The following MEI1 variants were observed in gnomAD, a reference collection of about 807,000 sequenced individuals.
MEI1 encodes the protein meiotic double-stranded break formation protein 1, also known as meiosis inhibitor protein 1.
MEI1 carries 103 observed loss-of-function variants against 146.2 expected under a neutral mutation model. That is an observed-to-expected ratio of 0.70 (90% CI 0.60 to 0.83). The LOEUF is 0.83. MEI1 is among the 40% of genes least tolerant of loss of function. The pLI is 0.00. For synonymous variants in MEI1, 652 were observed against 628.2 expected, an observed-to-expected ratio of 1.04 and a Z score of -0.57; for missense variants, 1,529 against 1,533.0, an observed-to-expected ratio of 1.00 and a Z score of 0.04.
intron 18 of MEI1, among the ~76,000 whole-genome samples, chr22:41,760,660 C>T (rs747479301): frequency 6.6e-6 from 1 of 152,176 alleles, no homozygotes; most frequent in Non-Finnish European, 1.5e-5. Context: ...TCTGAGCTCT[C>T]CAAGTGCACA....
At chr22:41,719,450 G>C (rs2070538216) in intron 6 of MEI1, among the ~76,000 whole-genome samples, 1 of 152,182 alleles carries the variant, frequency 6.6e-6, no homozygotes, top group African/African-American at 2.4e-5. Flanking sequence ...CCCTCCCCAA[G>C]TGCTGGGATT....
In MEI1 at chr22:41,751,699, G is replaced by A. The variant is rs1163725905; in HGVS notation, c.1793-892G>A. Among the ~76,000 whole-genome samples, 3 of 151,148 alleles carry A rather than the reference G, an allele frequency of 2.0e-5. No individual in the cohort carries two copies. In the East Asian group the frequency reaches 5.9e-4, roughly 29 times the overall value. On this transcript the variant is annotated intron_variant, in intron 15 of 30. Transcript: ENST00000401548. ...AGGCAGGAGACTCGCTTGAACCTGCGAGGCGGAGGTTACAGTGAGCCAAGA... is the reference window on the plus strand; with the variant it reads ...AGGCAGGAGACTCGCTTGAACCTGCAAGGCGGAGGTTACAGTGAGCCAAGA...
At chr22:41,769,137 G>A (rs1672431574) in intron 19 of MEI1, among the ~76,000 whole-genome samples, 1 of 152,006 alleles carries the variant, frequency 6.6e-6, no homozygotes, top group Non-Finnish European at 1.5e-5. Flanking sequence ...GAACAAAGTT[G>A]GAAGACTCAT....
chr22:41,759,632 AAAATAAATAAATAAAT>A (rs202130156), intron 18 of MEI1, among the ~76,000 whole-genome samples: 3 of 135,644 alleles, frequency 2.2e-5, no homozygotes, highest in Admixed American at 1.4e-4. Context: ...TCCGTCTCAA[AAAATAAATAAATAAAT>A]AAATAAATAA....
At chr22:41,737,447 G>T (rs1379876972) in intron 11 of MEI1, among the ~76,000 whole-genome samples, 2 of 152,026 alleles carry the variant, frequency 1.3e-5, no homozygotes, top group Non-Finnish European at 2.9e-5. Flanking sequence ...CAGTGTGTTA[G>T]CCAGGATGAT....
intron 18 of MEI1, 57 bp downstream of exon 18, chr22:41,758,590 C>T (rs759040281): frequency 2.0e-6 from 3 of 1,529,692 alleles, no homozygotes; most frequent in Non-Finnish European, 1.8e-6. Flanking sequence ...ATCAGCAGTT[C>T]AGTTCAATAA....
intron 3 of MEI1, among the ~76,000 whole-genome samples, chr22:41,709,925 C>G (rs1168569036): frequency 6.6e-6 from 1 of 152,002 alleles, no homozygotes; most frequent in African/African-American, 2.4e-5. Context: ...TTTAGCAGAG[C>G]CCAAAGTTGC....
intron 18 of MEI1, 148 bp downstream of exon 18, chr22:41,758,681 T>C (rs923521606): frequency 3.5e-5 from 28 of 796,278 alleles, no homozygotes; most frequent in Non-Finnish European, 5.4e-5. Context: ...CCTGAGAGGC[T>C]CATATCTTAG....
At chr22:41,720,493 G>A (rs2070670899) in intron 6 of MEI1, among the ~76,000 whole-genome samples, 1 of 151,362 alleles carries the variant, frequency 6.6e-6, no homozygotes, top group Non-Finnish European at 1.5e-5. Flanking sequence ...TGCAGTGGTA[G>A]GATCACAGCT....
intron 6 of MEI1, among the ~76,000 whole-genome samples, chr22:41,720,173 A>G (rs2070634506): frequency 6.6e-6 from 1 of 152,140 alleles, no homozygotes; most frequent in Admixed American, 6.5e-5. Context: ...CCTAAAGGAA[A>G]GGATGCCTGG....
At chr22:41,732,022 GA>G (rs1260600265) in intron 9 of MEI1, among the ~76,000 whole-genome samples, 8 of 152,166 alleles carry the variant, frequency 5.3e-5, no homozygotes, top group Admixed American at 2.6e-4. Context: ...AAGTGCCAGG[GA>G]CTGTGCTATG....
At position 41,705,611 on chromosome 22, in the gene MEI1, G is replaced by C; in HGVS notation, c.349+57G>C. On this transcript the variant is annotated intron_variant, in intron 3 of 30. Coordinates refer to ENST00000401548, the MANE Select transcript of MEI1 (RefSeq NM_152513.4). ...GATGAAAGTATTAGTCTGAATTGCA[G>C]CTCTGGTTACTTGAGACCTTGGCGA... 2.0e-6 allele frequency: 3 copies of C among 1,500,324 alleles called. No individual in the cohort carries two copies. In the South Asian group the frequency reaches 3.4e-5, roughly 17 times the overall value. 92.9% of individuals were successfully genotyped at this position (1,500,324 alleles called of 1,614,324 possible).
chr22:41,778,106 A>G (rs1310500697), intron 21 of MEI1, among the ~76,000 whole-genome samples: 1 of 150,594 alleles, frequency 6.6e-6, no homozygotes, highest in Non-Finnish European at 1.5e-5. Context: ...CCCCAACCTC[A>G]GACTCCTGAG....
intron 2 of MEI1, 43 bp from the exon 3 acceptor site, chr22:41,705,461 C>A: frequency 6.3e-7 from 1 of 1,578,154 alleles, no homozygotes; most frequent in Non-Finnish European, 8.7e-7. Flanking sequence ...TGTGCCACCG[C>A]GCCCTGCCTA....
intron 9 of MEI1, among the ~76,000 whole-genome samples, chr22:41,731,520 A>AT (rs2071864727): frequency 1.2e-5 from 1 of 82,106 alleles, no homozygotes; most frequent in Non-Finnish European, 4.1e-5. Context: ...ACACCTGGCT[A>AT]ATTTTTTTGT....
chr22:41,730,910 TAAC>T (rs919619641), intron 9 of MEI1, among the ~76,000 whole-genome samples: 1 of 152,218 alleles, frequency 6.6e-6, no homozygotes, highest in African/African-American at 2.4e-5. Flanking sequence ...TGTTGCATGT[TAAC>T]AACAACTCTA....
At chr22:41,781,235 A>G (rs1251111917) in intron 22 of MEI1, 49 bp from the exon 23 acceptor site, 1 of 1,363,892 alleles carries the variant, frequency 7.3e-7, no homozygotes, top group Non-Finnish European at 1.0e-6. Context: ...ACCTATGACA[A>G]GTGTGAGTGT....
chr22:41,753,767 C>G, intron 16 of MEI1, 182 bp from the exon 17 acceptor site: 1 of 542,460 alleles, frequency 1.8e-6, no homozygotes. Context: ...GCATAAGCCA[C>G]TGTGCCCAGC....
chr22:41,706,060 C>T (rs186694624), intron 3 of MEI1, among the ~76,000 whole-genome samples: 93 of 152,052 alleles, frequency 6.1e-4, no homozygotes, highest in African/African-American at 2.1e-3. Flanking sequence ...ATTCTGTCAC[C>T]CAGGCTGGAG....
Sources: allele counts gnomAD v4.1 joint callset (sites outside exome capture counted in the v4.1 genomes callset), GRCh38; gene constraint gnomAD v4.1.1; transcripts MANE v1.5; gene names NCBI Gene and HGNC (gene_info 2026-07-23, HGNC 2026-07-21).